The following ERBB4 variants were observed in gnomAD, a reference collection of about 807,000 sequenced individuals.
ERBB4 encodes receptor tyrosine-protein kinase erbB-4.
ERBB4 carries 42 observed loss-of-function variants against 158.0 expected under a neutral mutation model. That is an observed-to-expected ratio of 0.27 (90% confidence interval 0.21 to 0.34). The LOEUF (loss-of-function observed/expected upper bound fraction) is 0.34, where lower values mean the gene tolerates loss of function less well. Ranked by LOEUF, ERBB4 falls within the 10% of genes least tolerant of loss-of-function variation. The pLI, the probability that ERBB4 is intolerant of heterozygous loss-of-function variation, is 1.00. For synonymous variants in ERBB4, 583 were observed against 558.7 expected (o/e 1.04, Z -0.61); for missense variants, 1,333 against 1,624.1 (o/e 0.82, Z 3.08).
chr2:211,956,524 T>C lies in ERBB4; in HGVS notation c.235-8908A>G, dbSNP rs1312939278. On this transcript the variant is annotated intron_variant, in intron 2 of 27. Coordinates refer to ENST00000342788, the MANE Select transcript of ERBB4 (RefSeq NM_005235.3). ...TAGTTTGACTCCTGTCTCCATCACT[T>C]ATTGACCTTGCGCAAATTATTCAAT... Among the ~76,000 whole-genome samples, 4 of 152,056 alleles carry C rather than the reference T, an allele frequency of 2.6e-5. 1 individual carries two copies. Among genetic ancestry groups the C allele is most frequent in the Non-Finnish European group, 5.9e-5 (4 of 68,010 alleles).
chr2:212,535,560 C>T lies in ERBB4; in HGVS notation c.82+2889G>A, dbSNP rs1231968802. 2.6e-5 allele frequency among the ~76,000 whole-genome samples: 4 copies of T among 151,946 alleles called. No homozygotes were observed. The East Asian group carries it at 7.7e-4, about 29-fold the overall frequency. ...TATCTACTAAGGTATATAAGAGTACCACCTCAATGCTACTATACATTTTCT... is the reference window on the plus strand; with the variant it reads ...TATCTACTAAGGTATATAAGAGTACTACCTCAATGCTACTATACATTTTCT... On this transcript the variant is annotated intron_variant, in intron 1 of 27. Coordinates refer to ENST00000342788, the MANE Select transcript of ERBB4 (RefSeq NM_005235.3).
chr2:211,854,943 C>T lies in ERBB4; in HGVS notation c.422-66784G>A, dbSNP rs573329188. Among the ~76,000 whole-genome samples the T allele has an allele frequency of 2.6e-5, 4 of 152,222 alleles. No individual in the cohort carries two copies. The South Asian group carries it at 6.2e-4, about 24-fold the overall frequency. The stretch of plus-strand genomic sequence containing the variant: ...TTTAGCCGCTATTGCTACGCAGTTT[C>T]CCAAAGTGGATGTACCAATTTAAAC... On this transcript the variant is annotated intron_variant, in intron 3 of 27. Transcript: ENST00000342788.
chr2:211,724,772 G>T (rs1262936835), intron 6 of ERBB4, among the ~76,000 whole-genome samples: 2 of 151,712 alleles, frequency 1.3e-5, no homozygotes, highest in East Asian at 1.9e-4. Flanking sequence ...ACATAAACAG[G>T]TAATCACCGC....
intron 1 of ERBB4, among the ~76,000 whole-genome samples, chr2:212,148,780 G>C (rs2080768656): frequency 6.8e-6 from 1 of 147,076 alleles, no homozygotes; most frequent in Admixed American, 6.8e-5. Flanking sequence ...GTCCAACAAT[G>C]ATAGACTGGA....
intron 2 of ERBB4, among the ~76,000 whole-genome samples, chr2:212,122,243 A>T (rs2079777745): frequency 1.3e-5 from 2 of 151,988 alleles, no homozygotes; most frequent in Admixed American, 1.3e-4. Flanking sequence ...ATGATTGTTG[A>T]AGCCAAGGAC....
rs151252411 is a variant in ERBB4, at chr2:212,170,180, G to C, written c.83-45277C>G. 3.0e-3 allele frequency among the ~76,000 whole-genome samples: 461 copies of C among 152,270 alleles called. 2 individuals are homozygous for C. The highest frequency in any genetic ancestry group is 0.01 in the African/African-American group (428 of 41,568). ...TTGGCCAAAATGCTGACAATGATAT[G>C]AACAATGAAGTCCAGGCTGAGGTGG... is the stretch of plus-strand genomic sequence containing the variant. On this transcript the variant is annotated intron_variant, in intron 1 of 27. Coordinates refer to ENST00000342788, the MANE Select transcript of ERBB4 (RefSeq NM_005235.3).
At chr2:211,511,536 T>C (rs1180004317) in intron 20 of ERBB4, among the ~76,000 whole-genome samples, 1 of 152,054 alleles carries the variant, frequency 6.6e-6, no homozygotes, top group Non-Finnish European at 1.5e-5. Flanking sequence ...ACTTGAGCCA[T>C]ATCAACCCTA....
intron 1 of ERBB4, among the ~76,000 whole-genome samples, chr2:212,211,385 G>T (rs1044748256): frequency 2.6e-5 from 4 of 152,036 alleles, no homozygotes; most frequent in African/African-American, 9.7e-5. Context: ...TGCTGCAAAA[G>T]ACTCAGCTTT....
At chr2:211,803,194 C>A (rs1453132210) in intron 3 of ERBB4, among the ~76,000 whole-genome samples, 2 of 152,112 alleles carry the variant, frequency 1.3e-5, no homozygotes, top group Non-Finnish European at 2.9e-5. Context: ...TGTATCTAAT[C>A]CAACATTGCT....
chr2:211,401,425 G>C (rs936676100), intron 25 of ERBB4, among the ~76,000 whole-genome samples: 1 of 151,914 alleles, frequency 6.6e-6, no homozygotes, highest in African/African-American at 2.4e-5. Context: ...CATCCAGGCA[G>C]AGTCCTAATA....
chr2:211,589,174 CA>C (rs1393490636), intron 19 of ERBB4, among the ~76,000 whole-genome samples: 1 of 152,086 alleles, frequency 6.6e-6, no homozygotes, highest in Non-Finnish European at 1.5e-5. Flanking sequence ...CCAGTTTGTC[CA>C]ATCTTAACAT....
At chr2:212,054,515 G>A (rs1456640173) in intron 2 of ERBB4, among the ~76,000 whole-genome samples, 1 of 152,280 alleles carries the variant, frequency 6.6e-6, no homozygotes, top group Non-Finnish European at 1.5e-5. Context: ...AGTTTCTACT[G>A]GAAGAAAACT....
intron 2 of ERBB4, among the ~76,000 whole-genome samples, chr2:211,972,044 C>A (rs962845781): frequency 6.6e-6 from 1 of 152,154 alleles, no homozygotes; most frequent in Non-Finnish European, 1.5e-5. Context: ...GCTTCTTAAG[C>A]TGACAACTTC....
intron 2 of ERBB4, among the ~76,000 whole-genome samples, chr2:212,113,122 G>C (rs552180263): frequency 6.6e-6 from 1 of 152,058 alleles, no homozygotes; most frequent in Non-Finnish European, 1.5e-5. Flanking sequence ...AATACAGATC[G>C]AATTTGGGGG....
intron 2 of ERBB4, among the ~76,000 whole-genome samples, chr2:212,112,719 G>A (rs182027628): frequency 6.6e-5 from 10 of 152,312 alleles, no homozygotes; most frequent in African/African-American, 2.4e-4. Flanking sequence ...AGGAGTGGGA[G>A]ATGGTGTTAG....
At chr2:211,565,823 A>G (rs766840833) in intron 19 of ERBB4, among the ~76,000 whole-genome samples, 6 of 152,224 alleles carry the variant, frequency 3.9e-5, no homozygotes, top group Admixed American at 1.3e-4. Flanking sequence ...AGACCAAACA[A>G]AAGAAGTAAG....
chr2:212,065,256 G>GA (rs2077908650), intron 2 of ERBB4, among the ~76,000 whole-genome samples: 1 of 151,974 alleles, frequency 6.6e-6, no homozygotes, highest in African/African-American at 2.4e-5. Context: ...AGTATGAATA[G>GA]AAAATTATGT....
intron 2 of ERBB4, among the ~76,000 whole-genome samples, chr2:211,995,873 A>G (rs1220788141): frequency 6.6e-6 from 1 of 152,188 alleles, no homozygotes; most frequent in Admixed American, 6.6e-5. Flanking sequence ...GATAGCACAT[A>G]TATACACTAG....
intron 3 of ERBB4, among the ~76,000 whole-genome samples, chr2:211,912,711 G>A (rs561174468): frequency 6.6e-6 from 1 of 152,258 alleles, no homozygotes; most frequent in South Asian, 2.1e-4. Flanking sequence ...AGGTGGCTCT[G>A]CAAAGCCATC....
Sources: gnomAD v4.1 joint callset for allele counts (sites outside exome capture counted in the v4.1 genomes callset) on GRCh38, gnomAD v4.1.1 for gene constraint, MANE v1.5 for transcripts, NCBI Gene and HGNC (gene_info 2026-07-23, HGNC 2026-07-21) for gene names.